The following STS variants were observed in gnomAD, a reference collection of about 807,000 sequenced individuals.
STS encodes the protein steroid sulfatase.
Under a neutral mutation model 26.8 loss-of-function variants are expected in STS, and 7 were observed. The observed-to-expected ratio is 0.26, with a 90% CI of 0.15 to 0.49. The LOEUF is 0.49. Among genes scored for constraint, STS ranks in the 20% least tolerant of loss-of-function variants. The pLI is 0.98. For missense variants in STS, 434 were observed against 465.6 expected (o/e 0.93, Z 0.63); for synonymous variants, 199 against 189.4 (o/e 1.05, Z -0.42).
chrX:7,270,612 A>G (rs747071870), intron 6 of STS, among the ~76,000 whole-genome samples: 1 of 112,331 alleles, frequency 8.9e-6, no homozygotes, highest in African/African-American at 3.2e-5. Flanking sequence ...TGCACAGAGT[A>G]TACATAAAGA....
chrX:7,314,768 G>A (rs1342413537), intron 8 of STS, among the ~76,000 whole-genome samples: 1 of 112,379 alleles, frequency 8.9e-6, no homozygotes, highest in Non-Finnish European at 1.9e-5. Flanking sequence ...TTGAAGTTGT[G>A]TGGTCAAGCG....
In STS at chrX:7,353,877, T is replaced by C. The variant is rs1928899657; in HGVS notation, c.*3616T>C. 9.0e-6 allele frequency: 1 copy of C among 111,731 alleles called. No homozygotes were observed. The highest frequency in any genetic ancestry group is 1.9e-5 in the Non-Finnish European group (1 of 53,150). 9.2% of individuals were successfully genotyped at this position (111,731 alleles called of 1,213,427 possible). ...GCCTTGTTGCCTTCTCTTTAATGCCTAGAGAATGGGATGTGTGATGCAAAT... is the reference window on the plus strand; with the variant it reads ...GCCTTGTTGCCTTCTCTTTAATGCCCAGAGAATGGGATGTGTGATGCAAAT... On this transcript the variant is annotated 3_prime_UTR_variant, in exon 11 of 11. Coordinates refer to ENST00000674429, the MANE Select transcript of STS (RefSeq NM_001320752.2).
intron 2 of STS, among the ~76,000 whole-genome samples, chrX:7,192,887 G>A (rs946320553): frequency 3.6e-5 from 4 of 112,260 alleles, no homozygotes; most frequent in Non-Finnish European, 5.6e-5. Flanking sequence ...ACCATCCCAC[G>A]GTGCACCCAC....
At chrX:7,160,338 T>A (rs1933217340) in intron 1 of STS, among the ~76,000 whole-genome samples, 1 of 112,508 alleles carries the variant, frequency 8.9e-6, no homozygotes, top group Admixed American at 9.5e-5. Context: ...TCTGTAGTGT[T>A]ACATTAAAGA....
chrX:7,186,274 T>C (rs1196348657), intron 1 of STS, among the ~76,000 whole-genome samples: 2 of 112,337 alleles, frequency 1.8e-5, no homozygotes, highest in East Asian at 5.6e-4. Context: ...TGTTGTAACA[T>C]TTAACATCCA....
chrX:7,182,682 T>C (rs1432954955), intron 1 of STS, among the ~76,000 whole-genome samples: 1 of 111,028 alleles, frequency 9.0e-6, no homozygotes, highest in Non-Finnish European at 1.9e-5. Flanking sequence ...TTCTCAGATA[T>C]GACAAAAGAC....
chrX:7,160,951 T>G (rs1569178230), intron 1 of STS, among the ~76,000 whole-genome samples: 2 of 111,153 alleles, frequency 1.8e-5, no homozygotes, highest in Admixed American at 1.9e-4. Context: ...GTCAAATGTT[T>G]CTTTTTGTTT....
intron 9 of STS, among the ~76,000 whole-genome samples, chrX:7,333,516 C>A (rs1465160564): frequency 8.9e-6 from 1 of 112,169 alleles, no homozygotes; most frequent in East Asian, 2.8e-4. Flanking sequence ...TTGCCTCATG[C>A]AATATAGTAT....
intron 7 of STS, among the ~76,000 whole-genome samples, chrX:7,297,296 T>G (rs931197233): frequency 8.3e-5 from 9 of 108,267 alleles, no homozygotes; most frequent in Admixed American, 2.0e-4. Context: ...ATCCCCACTC[T>G]AGGTTTACTG....
At chrX:7,159,257 G>A (rs1312686016) in intron 1 of STS, among the ~76,000 whole-genome samples, 2 of 111,408 alleles carry the variant, frequency 1.8e-5, no homozygotes, top group Non-Finnish European at 3.8e-5. Context: ...AAGACTGCCT[G>A]CTGTTTCATC....
At chrX:7,206,684 T>G (rs773267567) in intron 2 of STS, among the ~76,000 whole-genome samples, 5 of 112,018 alleles carry the variant, frequency 4.5e-5, no homozygotes, top group African/African-American at 9.7e-5. Flanking sequence ...GGGCCTTAAA[T>G]AAGAGGCATG....
intron 7 of STS, among the ~76,000 whole-genome samples, chrX:7,296,008 A>G (rs1925645313): frequency 9.0e-6 from 1 of 111,454 alleles, no homozygotes; most frequent in Non-Finnish European, 1.9e-5. Context: ...GTGAGTCTCG[A>G]TGGTGTGGTA....
intron 1 of STS, among the ~76,000 whole-genome samples, chrX:7,184,665 T>C (rs1933741286): frequency 8.9e-6 from 1 of 111,929 alleles, no homozygotes; most frequent in African/African-American, 3.2e-5. Context: ...TGGAATTCAG[T>C]TACGCATATT....
At chrX:7,258,219 A>AGATG (rs1248965251) in intron 5 of STS, among the ~76,000 whole-genome samples, 1 of 106,790 alleles carries the variant, frequency 9.4e-6, no homozygotes, top group African/African-American at 3.4e-5. Flanking sequence ...TAGATGGGGT[A>AGATG]GATGGATGGA....
chrX:7,286,776 A>T (rs1377853877), intron 7 of STS, among the ~76,000 whole-genome samples: 1 of 111,670 alleles, frequency 9.0e-6, no homozygotes, highest in African/African-American at 3.3e-5. Context: ...TATATAGTAC[A>T]CTTTAGGATA....
rs761519209 is a variant in STS at position 7,313,746 on chromosome X, C to T, written c.1081+8563C>T. Among the ~76,000 whole-genome samples, 9 of 112,076 alleles carry T rather than the reference C, an allele frequency of 8.0e-5. No homozygotes were observed. The East Asian group carries it at 8.4e-4, about 10-fold the overall frequency. On this transcript the variant is annotated intron_variant, in intron 8 of 10. Coordinates refer to ENST00000674429, the MANE Select transcript of STS (RefSeq NM_001320752.2). Reference sequence around the variant, plus strand: ...ATAAAGGCAAAGAATAAAGGGTCTCCGACTGCTACTAATTTACATTCTACT... The same window carrying T: ...ATAAAGGCAAAGAATAAAGGGTCTCTGACTGCTACTAATTTACATTCTACT...
At chrX:7,309,513 C>T (rs1054699952) in intron 8 of STS, among the ~76,000 whole-genome samples, 4 of 110,276 alleles carry the variant, frequency 3.6e-5, no homozygotes, top group African/African-American at 1.3e-4. Context: ...ACCTATGTAA[C>T]AAACCAACCT....
chrX:7,255,927 T>C (rs1404927792), intron 3 of STS, among the ~76,000 whole-genome samples: 1 of 112,423 alleles, frequency 8.9e-6, no homozygotes, highest in Non-Finnish European at 1.9e-5. Context: ...ATGGGACCAA[T>C]GAACAAGATG....
chrX:7,293,469 C>T (rs190068657), intron 7 of STS, among the ~76,000 whole-genome samples: 2 of 111,820 alleles, frequency 1.8e-5, no homozygotes, highest in Admixed American at 1.9e-4. Context: ...GACCCATTTG[C>T]CCACTAATTT....
Sources: allele counts gnomAD v4.1 joint callset (sites outside exome capture counted in the v4.1 genomes callset), GRCh38; gene constraint gnomAD v4.1.1; transcripts MANE v1.5; gene names NCBI Gene and HGNC (gene_info 2026-07-23, HGNC 2026-07-21).